EIF4G3: variants seen among roughly 807,000 people sequenced by gnomAD.
EIF4G3 encodes the protein eIF-4-gamma 3.
Under a neutral mutation model 186.4 loss-of-function variants are expected in EIF4G3, and 34 were observed. That is an observed-to-expected ratio of 0.18 (90% CI 0.14 to 0.24). The LOEUF (loss-of-function observed/expected upper bound fraction) is 0.24. EIF4G3 is among the 10% of genes least tolerant of loss of function. EIF4G3 has a pLI of 1.00. For missense variants in EIF4G3, 1,536 were observed against 1,948.5 expected (o/e 0.79, Z 3.99); for synonymous variants, 673 against 679.5 (o/e 0.99, Z 0.15).
intron 14 of EIF4G3, among the ~76,000 whole-genome samples, chr1:20,924,093 T>C (rs939896541): frequency 3.3e-5 from 5 of 152,204 alleles, no homozygotes; most frequent in Non-Finnish European, 7.3e-5. Context: ...TGGTTTTCCA[T>C]GACAGTTTCC....
At chr1:21,041,133 G>A (rs1303267947) in intron 4 of EIF4G3, among the ~76,000 whole-genome samples, 1 of 152,150 alleles carries the variant, frequency 6.6e-6, no homozygotes, top group Admixed American at 6.5e-5. Flanking sequence ...TTATGAATAT[G>A]TTTCACAGTC....
intron 2 of EIF4G3, among the ~76,000 whole-genome samples, chr1:21,124,349 A>G (rs2102401396): frequency 6.6e-6 from 1 of 152,282 alleles, no homozygotes; most frequent in East Asian, 1.9e-4. Context: ...CATCTGGCAC[A>G]CATTCAAACC....
intron 4 of EIF4G3, among the ~76,000 whole-genome samples, chr1:21,015,629 A>G (rs2088732760): frequency 6.6e-6 from 1 of 152,138 alleles, no homozygotes; most frequent in South Asian, 2.1e-4. Context: ...AAACAATGGA[A>G]AAGAATTTCG....
At position 20,973,081 on chromosome 1, in the gene EIF4G3, C is replaced by G; in HGVS notation, c.512G>C (p.Ser171Thr). 1 of 1,608,714 alleles carries G rather than the reference C, an allele frequency of 6.2e-7. No homozygotes were observed. Among genetic ancestry groups the G allele is most frequent in the Non-Finnish European group, 8.5e-7 (1 of 1,178,702 alleles). Residue 171 changes from serine to threonine, a missense_variant, in exon 11 of 37, where the codon AGT (serine) becomes ACT (threonine). Physicochemically the swap from Ser to Thr is moderately conservative, Grantham distance 58. Around this residue, in one of 11 missense-constraint regions of EIF4G3, gnomAD observed 194 missense variants for 212.8 expected, o/e 0.91. Coordinates refer to ENST00000602326, the MANE Select transcript of EIF4G3 (RefSeq NM_001391906.1). ...AGGTGCTGACTGATACACCGGCTGA[C>G]TTGGGTAAAAAGGCGTTCCTAAAAA... ...PNAYGTPFYPSQPVYQSAPII... is the reference protein window; with the variant it reads ...PNAYGTPFYPTQPVYQSAPII...
At chr1:21,095,996 T>A (rs1017280087) in intron 2 of EIF4G3, among the ~76,000 whole-genome samples, 2 of 152,218 alleles carry the variant, frequency 1.3e-5, no homozygotes, top group African/African-American at 4.8e-5. Context: ...TACAACAGAC[T>A]AATATGCTTT....
Position 21,087,974 on chromosome 1 carries a change from TAGTCCC to T in EIF4G3, c.-196+1158_-196+1163del, listed in dbSNP as rs572385611. Among the ~76,000 whole-genome samples, 169 of 152,120 alleles carry T rather than the reference TAGTCCC, an allele frequency of 1.1e-3. 1 individual carries two copies. Among genetic ancestry groups the T allele is most frequent in the African/African-American group, 4.0e-3 (164 of 41,514 alleles). On this transcript the variant is annotated intron_variant, in intron 3 of 36. Transcript: ENST00000602326. Reference sequence around the variant, plus strand: ...TAGCATGCACAGTAGCATGTGACTGTAGTCCCAGTTACTTGGGAGGCTGAGGCAGGA... The same window carrying T: ...TAGCATGCACAGTAGCATGTGACTGTAGTTACTTGGGAGGCTGAGGCAGGA...
In EIF4G3 at chr1:20,980,376, A is replaced by T; in HGVS notation, c.451T>A (p.Phe151Ile). 1 of 1,549,946 alleles carries T rather than the reference A, an allele frequency of 6.5e-7. No homozygotes were observed. The highest frequency in any genetic ancestry group is 1.2e-5 in the South Asian group (1 of 81,072). The change falls in exon 10 of 37, where the codon TTT becomes ATT. Residue 151 changes from phenylalanine (F) to isoleucine (I), a missense_variant. Physicochemically the swap from Phe to Ile is conservative, Grantham distance 21 (BLOSUM62 0). This residue lies in a region of EIF4G3 where 194 missense variants were observed against 212.8 expected (regional missense o/e 0.91). Transcript: ENST00000602326. ...TCCCCAGGTCCTGGTCCAGGATAAA[A>T]AGGACCTGGCCCCGGTGGTTGAACT... ...YPVQPPGPGP[F>I]YPGPGPGDFP...
intron 2 of EIF4G3, among the ~76,000 whole-genome samples, chr1:21,147,435 G>A (rs112808391): frequency 1.4e-4 from 22 of 151,764 alleles, no homozygotes; most frequent in African/African-American, 5.3e-4. Context: ...CCACCTCCCG[G>A]GTTCAAGCGA....
At chr1:20,872,444 C>T (rs544943539) in intron 20 of EIF4G3, among the ~76,000 whole-genome samples, 2 of 152,222 alleles carry the variant, frequency 1.3e-5, no homozygotes, top group East Asian at 3.9e-4. Context: ...TTTTAAGAAA[C>T]TAAATATTAC....
At chr1:20,874,298 T>C (rs2080127806) in intron 20 of EIF4G3, among the ~76,000 whole-genome samples, 1 of 152,172 alleles carries the variant, frequency 6.6e-6, no homozygotes, top group African/African-American at 2.4e-5. Context: ...CCACCAACAG[T>C]GTAAAAGCAT....
intron 7 of EIF4G3, among the ~76,000 whole-genome samples, chr1:20,986,611 T>C (rs2079532811): frequency 1.3e-5 from 2 of 151,452 alleles, no homozygotes; most frequent in Admixed American, 1.3e-4. Flanking sequence ...TAGCTGGGCG[T>C]GGTGGCATGC....
At chr1:21,131,761 C>A (rs149515236) in intron 2 of EIF4G3, among the ~76,000 whole-genome samples, 4 of 152,170 alleles carry the variant, frequency 2.6e-5, no homozygotes, top group Non-Finnish European at 5.9e-5. Flanking sequence ...TAGCTTGAGC[C>A]GAGAAGTTTG....
At chr1:21,134,944 GT>G (rs919748771) in intron 2 of EIF4G3, among the ~76,000 whole-genome samples, 1 of 151,384 alleles carries the variant, frequency 6.6e-6, no homozygotes, top group African/African-American at 2.4e-5. Flanking sequence ...AAATACAATT[GT>G]TTTAGGTTTT....
chr1:21,123,122 C>T lies in EIF4G3; in HGVS notation c.-271-33909G>A, dbSNP rs191310112. On this transcript the variant is annotated intron_variant, in intron 2 of 36. Transcript: ENST00000602326. ...AAAATATTTAAAAGTTGTAAGACAT[C>T]TGTCTAGTCACAAAAGGATCTCCAA... is the stretch of plus-strand genomic sequence containing the variant. 7.9e-4 allele frequency among the ~76,000 whole-genome samples: 120 copies of T among 152,242 alleles called. 1 individual carries two copies. Among genetic ancestry groups the T allele is most frequent in the African/African-American group, 2.6e-3 (106 of 41,542 alleles).
intron 19 of EIF4G3, among the ~76,000 whole-genome samples, chr1:20,881,565 C>T (rs2082325407): frequency 6.6e-6 from 1 of 151,714 alleles, no homozygotes; most frequent in African/African-American, 2.4e-5. Context: ...GGTGGGTGCA[C>T]TGTTTGAGCC....
intron 14 of EIF4G3, among the ~76,000 whole-genome samples, chr1:20,916,836 T>C (rs1176758165): frequency 6.6e-6 from 1 of 152,138 alleles, no homozygotes; most frequent in African/African-American, 2.4e-5. Context: ...TTTATAGAAG[T>C]GGTACAAAGG....
chr1:20,973,184 A>G, intron 10 of EIF4G3, 85 bp from the exon 11 acceptor site: 1 of 1,002,402 alleles, frequency 1.0e-6, no homozygotes, highest in Non-Finnish European at 1.5e-6. Flanking sequence ...TCTCTGCACA[A>G]TCCCCTTAAA....
intron 2 of EIF4G3, among the ~76,000 whole-genome samples, chr1:21,155,944 T>C (rs1440711398): frequency 4.6e-5 from 7 of 151,854 alleles, no homozygotes; most frequent in African/African-American, 1.7e-4. Context: ...CTGGCCAACA[T>C]GGTGAAACCC....
intron 2 of EIF4G3, among the ~76,000 whole-genome samples, chr1:21,129,386 G>C (rs1433968176): frequency 6.6e-6 from 1 of 151,794 alleles, no homozygotes. Flanking sequence ...ATCAGTTTCC[G>C]AAGTGAATGC....
Sources: allele counts gnomAD v4.1 joint callset (sites outside exome capture counted in the v4.1 genomes callset), GRCh38; gene constraint gnomAD v4.1.1; regional missense constraint gnomAD v4.1.1; transcripts MANE v1.5; gene names NCBI Gene and HGNC (gene_info 2026-07-23, HGNC 2026-07-21).